Variants in PPFIA2 observed in about 807,000 individuals in gnomAD.
The protein encoded by PPFIA2 is PPFI scaffold protein A2.
Under a neutral mutation model 175.5 loss-of-function variants are expected in PPFIA2, and 46 were observed. The ratio of observed to expected loss-of-function variants is 0.26; its 90% CI spans 0.21 to 0.34. The LOEUF (loss-of-function observed/expected upper bound fraction) is 0.34, where lower values mean the gene tolerates loss of function less well. Ranked by LOEUF, PPFIA2 falls within the 10% of genes least tolerant of loss-of-function variation. The pLI, the probability that PPFIA2 is intolerant of heterozygous loss-of-function variation, is 1.00. For synonymous variants in PPFIA2, 568 were observed against 511.4 expected (o/e 1.11, Z -1.49); for missense variants, 1,179 against 1,506.1 (o/e 0.78, Z 3.60).
intron 4 of PPFIA2, among the ~76,000 whole-genome samples, chr12:81,467,775 G>C (rs553652797): frequency 2.5e-4 from 38 of 152,090 alleles, no homozygotes; most frequent in Non-Finnish European, 5.6e-4. Flanking sequence ...CCCTTGCATT[G>C]CTTGTTCTGA....
At chr12:81,512,610 A>G (rs1191927470) in intron 4 of PPFIA2, among the ~76,000 whole-genome samples, 2 of 151,756 alleles carry the variant, frequency 1.3e-5, no homozygotes, top group Non-Finnish European at 2.9e-5. Flanking sequence ...TCTGGTGGTG[A>G]TTTCTGAGAT....
At chr12:81,532,139 C>T (rs547640843) in intron 4 of PPFIA2, among the ~76,000 whole-genome samples, 73 of 151,830 alleles carry the variant, frequency 4.8e-4, no homozygotes, top group Non-Finnish European at 7.7e-4. Context: ...AAACTTTTCA[C>T]TTTGGTGGCC....
chr12:81,515,096 T>C (rs1373078469), intron 4 of PPFIA2, among the ~76,000 whole-genome samples: 1 of 151,960 alleles, frequency 6.6e-6, no homozygotes, highest in Non-Finnish European at 1.5e-5. Context: ...TGCTTTGGTA[T>C]TTTTACACTG....
At chr12:81,309,904 A>G (rs1242986923) in intron 22 of PPFIA2, among the ~76,000 whole-genome samples, 1 of 152,056 alleles carries the variant, frequency 6.6e-6, no homozygotes, top group Non-Finnish European at 1.5e-5. Context: ...TGAATCATAC[A>G]ATTATTTATG....
rs1221499475 is a variant in PPFIA2 at position 81,294,871 on chromosome 12, G to A, written c.2889C>T (p.Ser963=). ...TTGGAGGAGCTGAAGGACTTGTTAG[G>A]GAAACCATCTCCTGGATTGCTAATC... The part of the protein sequence containing the change: ...KLRLAIQEMV[S]LTSPSAPPTS... Residue 963 remains serine, a synonymous_variant, in exon 24 of 33, where the codon TCC becomes TCT. Coordinates refer to ENST00000549396, the MANE Select transcript of PPFIA2 (RefSeq NM_003625.5). 2 of 1,613,346 alleles carry A rather than the reference G, an allele frequency of 1.2e-6. No homozygotes were observed. The highest frequency in any genetic ancestry group is 1.7e-6 in the Non-Finnish European group (2 of 1,179,700).
intron 4 of PPFIA2, among the ~76,000 whole-genome samples, chr12:81,511,086 T>C (rs1456491169): frequency 6.6e-6 from 1 of 152,056 alleles, no homozygotes; most frequent in Non-Finnish European, 1.5e-5. Context: ...CATTGCAAGA[T>C]ACATAACAAA....
chr12:81,448,689 A>G (rs911928879), intron 5 of PPFIA2, among the ~76,000 whole-genome samples: 3 of 152,212 alleles, frequency 2.0e-5, no homozygotes, highest in Non-Finnish European at 2.9e-5. Context: ...CAGGCTAAAC[A>G]TCCATGTCCC....
chr12:81,377,026 TA>T lies in PPFIA2; in HGVS notation c.985-1085del, dbSNP rs565690713. ...ATAAAAAGTAAAATAAGAAATAAAA[TA>T]GGTAATGTCCTAATCTAATATAATA... On this transcript the variant is annotated intron_variant, in intron 9 of 32. Coordinates refer to ENST00000549396, the MANE Select transcript of PPFIA2 (RefSeq NM_003625.5). Among the ~76,000 whole-genome samples the T allele has an allele frequency of 9.6e-4, 146 of 151,892 alleles. 1 individual carries two copies. Among genetic ancestry groups the T allele is most frequent in the African/African-American group, 3.4e-3 (139 of 41,456 alleles).
intron 4 of PPFIA2, among the ~76,000 whole-genome samples, chr12:81,675,226 A>C (rs1036670704): frequency 2.7e-5 from 4 of 148,454 alleles, no homozygotes; most frequent in Non-Finnish European, 4.5e-5. Flanking sequence ...ACACACATAT[A>C]TATATAGAGA....
At chr12:81,314,920 A>G (rs971573269) in intron 22 of PPFIA2, among the ~76,000 whole-genome samples, 6 of 151,398 alleles carry the variant, frequency 4.0e-5, no homozygotes, top group African/African-American at 1.5e-4. Context: ...TGATGGGGGA[A>G]AAAAAAAGAC....
intron 25 of PPFIA2, among the ~76,000 whole-genome samples, chr12:81,283,755 T>C (rs996177353): frequency 2.0e-5 from 3 of 152,138 alleles, no homozygotes; most frequent in African/African-American, 7.2e-5. Context: ...TTCTTTAAAA[T>C]TGTGCTTTTC....
At chr12:81,328,025 C>T (rs188202043) in intron 21 of PPFIA2, among the ~76,000 whole-genome samples, 74 of 152,224 alleles carry the variant, frequency 4.9e-4, no homozygotes, top group Non-Finnish European at 9.1e-4. Context: ...GGCCAGTGCG[C>T]TTAACCAGGA....
intron 28 of PPFIA2, among the ~76,000 whole-genome samples, chr12:81,275,301 CA>C (rs2040226009): frequency 6.6e-6 from 1 of 152,174 alleles, no homozygotes; most frequent in Non-Finnish European, 1.5e-5. Flanking sequence ...AGTAATGCAT[CA>C]AATGAAGTGT....
intron 4 of PPFIA2, among the ~76,000 whole-genome samples, chr12:81,527,583 C>T (rs1040235014): frequency 6.6e-6 from 1 of 152,040 alleles, no homozygotes; most frequent in Non-Finnish European, 1.5e-5. Context: ...CTCAGGCAAG[C>T]CTTTCCTCAT....
intron 3 of PPFIA2, among the ~76,000 whole-genome samples, chr12:81,712,328 T>C (rs1472241493): frequency 6.6e-6 from 1 of 151,310 alleles, no homozygotes; most frequent in African/African-American, 2.4e-5. Context: ...ATTATAAGAG[T>C]TTGATACAAA....
intron 7 of PPFIA2, among the ~76,000 whole-genome samples, chr12:81,411,555 C>T (rs1171159299): frequency 6.6e-6 from 1 of 152,070 alleles, no homozygotes; most frequent in Non-Finnish European, 1.5e-5. Flanking sequence ...GCGGCTGGGC[C>T]TCCAGTCTGC....
chr12:81,741,764 G>C (rs906920092), intron 3 of PPFIA2, among the ~76,000 whole-genome samples: 4 of 151,936 alleles, frequency 2.6e-5, no homozygotes, highest in African/African-American at 9.7e-5. Context: ...TGACCTCAGA[G>C]AGCATAGAGC....
At chr12:81,272,772 T>C (rs990061385) in intron 28 of PPFIA2, among the ~76,000 whole-genome samples, 3 of 152,170 alleles carry the variant, frequency 2.0e-5, no homozygotes, top group African/African-American at 7.2e-5. Flanking sequence ...AAAAGGACTT[T>C]TATGTTTTTC....
intron 4 of PPFIA2, among the ~76,000 whole-genome samples, chr12:81,667,115 C>G (rs1430385734): frequency 1.3e-5 from 2 of 151,992 alleles, no homozygotes; most frequent in African/African-American, 4.8e-5. Context: ...AAATGTTAAC[C>G]ATTCTACATC....
Sources: gnomAD v4.1 joint callset for allele counts (sites outside exome capture counted in the v4.1 genomes callset) on GRCh38, gnomAD v4.1.1 for gene constraint, MANE v1.5 for transcripts, NCBI Gene and HGNC (gene_info 2026-07-23, HGNC 2026-07-21) for gene names.